The following POF1B variants were observed in gnomAD, a reference collection of about 807,000 sequenced individuals.
The protein encoded by POF1B is protein POF1B.
Under a neutral mutation model 55.3 loss-of-function variants are expected in POF1B, and 53 were observed. That is an observed-to-expected ratio of 0.96 (90% CI 0.77 to 1.20). The LOEUF is 1.20. Among genes scored for constraint, POF1B ranks in the 50% most tolerant of loss-of-function variants. The pLI is 0.00. For missense variants in POF1B, 478 were observed against 420.5 expected, an observed-to-expected ratio of 1.14 and a Z score of -1.20; for synonymous variants, 188 against 148.3, an observed-to-expected ratio of 1.27 and a Z score of -1.95.
At chrX:85,301,873 A>G (rs1244913380) in intron 15 of POF1B, among the ~76,000 whole-genome samples, 2 of 111,956 alleles carry the variant, frequency 1.8e-5, no homozygotes, top group Non-Finnish European at 3.8e-5. Context: ...AATGTATAAA[A>G]AGATACAACC....
At chrX:85,307,948 C>G (rs1932613494) in intron 10 of POF1B, among the ~76,000 whole-genome samples, 176 bp downstream of exon 10, 1 of 111,494 alleles carries the variant, frequency 9.0e-6, no homozygotes, top group Non-Finnish European at 1.9e-5. Flanking sequence ...CTTTGGATAC[C>G]TCTTTTCTCC....
chrX:85,359,632 T>C lies in POF1B; in HGVS notation c.358-2A>G, dbSNP rs746282684. ...TTTCACTGTTGGAGAATGAAGTTCCTGTGAAGAAAAGACAAAAGCTGGATA... is the reference window on the plus strand; with the variant it reads ...TTTCACTGTTGGAGAATGAAGTTCCCGTGAAGAAAAGACAAAAGCTGGATA... On this transcript the variant is annotated splice_acceptor_variant, in intron 3 of 16. Coordinates refer to ENST00000262753, the MANE Select transcript of POF1B (RefSeq NM_024921.4). LOFTEE classifies it high-confidence loss of function. The C allele has an allele frequency of 2.5e-6, 3 of 1,180,337 alleles. No homozygotes were observed. The East Asian group carries it at 9.0e-5, about 35-fold the overall frequency.
intron 15 of POF1B, among the ~76,000 whole-genome samples, chrX:85,283,946 C>G (rs1931972490): frequency 9.0e-6 from 1 of 111,212 alleles, no homozygotes; most frequent in South Asian, 3.7e-4. Flanking sequence ...AGCTGATAAG[C>G]AACTTCAGCA....
chrX:85,319,883 T>C (rs1157382743), intron 7 of POF1B, among the ~76,000 whole-genome samples: 2 of 111,703 alleles, frequency 1.8e-5, no homozygotes, highest in Admixed American at 1.9e-4. Context: ...GCTGGTCTTA[T>C]AGAATGAGTT....
intron 9 of POF1B, among the ~76,000 whole-genome samples, chrX:85,311,001 G>T (rs1932684530): frequency 9.0e-6 from 1 of 111,055 alleles, no homozygotes; most frequent in East Asian, 2.8e-4. Context: ...TTATCCTTTA[G>T]GAATGGAGGG....
chrX:85,360,105 GT>G (rs948715902), intron 3 of POF1B, among the ~76,000 whole-genome samples: 4 of 109,709 alleles, frequency 3.6e-5, no homozygotes, highest in Admixed American at 9.8e-5. Context: ...TGGGAAAAGA[GT>G]TTTTTTGGGG....
intron 3 of POF1B, among the ~76,000 whole-genome samples, chrX:85,360,192 T>C (rs1434917424): frequency 9.2e-6 from 1 of 108,126 alleles, no homozygotes; most frequent in Non-Finnish European, 1.9e-5. Context: ...GGAGAACATA[T>C]GCAGGTTTGT....
intron 15 of POF1B, among the ~76,000 whole-genome samples, chrX:85,288,093 T>C (rs1447488025): frequency 8.9e-6 from 1 of 111,802 alleles, no homozygotes; most frequent in Non-Finnish European, 1.9e-5. Context: ...TTACATATTT[T>C]TTAAAAATTA....
intron 7 of POF1B, 123 bp downstream of exon 7, chrX:85,330,826 A>G: frequency 1.5e-6 from 1 of 664,939 alleles, no homozygotes; most frequent in Admixed American, 4.9e-5. Context: ...ATTAAAAAAA[A>G]TAAAATAGAA....
chrX:85,367,752 T>C lies in POF1B; in HGVS notation c.297A>G (p.Pro99=), dbSNP rs756604045. 3.2e-5 allele frequency: 37 copies of C among 1,145,136 alleles called. No homozygotes were observed. The highest frequency in any genetic ancestry group is 4.2e-5 in the Non-Finnish European group (36 of 854,675). 94.4% of individuals were successfully genotyped at this position (1,145,136 alleles called of 1,213,427 possible). A position where few individuals can be genotyped will look rare whatever the true frequency, so the allele number is the denominator to read the frequency against. ...WSDHSQELHS[P]TLKISTCAPS... is the part of the protein sequence containing the mutation. The stretch of plus-strand genomic sequence containing the variant: ...GGGCACATGTAGATATTTTTAAAGT[T>C]GGAGAATGGAGTTCCTGTTAAGAGA... Residue 99 remains proline (P), a synonymous_variant, in exon 3 of 17, where the codon CCA becomes CCG. Coordinates refer to ENST00000262753, the MANE Select transcript of POF1B (RefSeq NM_024921.4).
intron 15 of POF1B, among the ~76,000 whole-genome samples, chrX:85,299,198 T>C (rs1176000611): frequency 1.9e-4 from 20 of 103,046 alleles, no homozygotes; most frequent in African/African-American, 7.1e-4. Context: ...TTTCTTTTTT[T>C]TTTTTTTTTT....
intron 6 of POF1B, among the ~76,000 whole-genome samples, chrX:85,332,729 T>C (rs1300044950): frequency 9.0e-6 from 1 of 111,370 alleles, no homozygotes; most frequent in Non-Finnish European, 1.9e-5. Context: ...TTATAAAATA[T>C]TGGTCAGTTA....
chrX:85,324,347 T>C (rs1932873581), intron 7 of POF1B, among the ~76,000 whole-genome samples: 2 of 111,332 alleles, frequency 1.8e-5, no homozygotes, highest in Non-Finnish European at 3.8e-5. Flanking sequence ...TGTGTTGTTA[T>C]CTAAATCTCT....
intron 7 of POF1B, among the ~76,000 whole-genome samples, chrX:85,318,333 TG>T (rs1453010749): frequency 8.9e-6 from 1 of 112,289 alleles, no homozygotes; most frequent in Non-Finnish European, 1.9e-5. Flanking sequence ...CTGTTAAGTC[TG>T]TTGATAGTTT....
intron 9 of POF1B, 35 bp from the exon 10 acceptor site, chrX:85,308,251 T>A: frequency 1.0e-6 from 1 of 986,945 alleles, no homozygotes; most frequent in Non-Finnish European, 1.4e-6. Context: ...TTAGTTTTAT[T>A]AACATTTGAA....
chrX:85,357,327 C>T (rs913547078), intron 4 of POF1B, among the ~76,000 whole-genome samples: 2 of 111,286 alleles, frequency 1.8e-5, no homozygotes, highest in East Asian at 2.9e-4. Flanking sequence ...CTTTAGCCTT[C>T]CTTATTACTG....
chrX:85,307,999 C>T (rs1228462165), intron 10 of POF1B, 125 bp downstream of exon 10: 2 of 349,446 alleles, frequency 5.7e-6, no homozygotes, highest in African/African-American at 5.3e-5. Flanking sequence ...AATAATTTAG[C>T]TTTGTCTGAA....
intron 6 of POF1B, 104 bp downstream of exon 6, chrX:85,345,756 C>CA: frequency 2.7e-6 from 2 of 743,664 alleles, no homozygotes; most frequent in Non-Finnish European, 1.9e-6. Flanking sequence ...GATATAACTT[C>CA]TCAGTATTTT....
chrX:85,356,677 T>C (rs1482827829), intron 4 of POF1B, among the ~76,000 whole-genome samples: 2 of 111,390 alleles, frequency 1.8e-5, no homozygotes, highest in East Asian at 5.7e-4. Context: ...AATCAGACGT[T>C]TTAGATGTCT....
Sources: allele counts gnomAD v4.1 joint callset (sites outside exome capture counted in the v4.1 genomes callset), GRCh38; gene constraint gnomAD v4.1.1; transcripts MANE v1.5; gene names NCBI Gene and HGNC (gene_info 2026-07-23, HGNC 2026-07-21).